NUP37: variants seen among roughly 807,000 people sequenced by gnomAD.
The protein encoded by NUP37 is nucleoporin Nup37.
NUP37 carries 33 observed loss-of-function variants against 45.4 expected under a neutral mutation model. The observed-to-expected ratio is 0.73, with a 90% CI of 0.55 to 0.97. The LOEUF is 0.97. Ranked by LOEUF, NUP37 falls within the 50% of genes least tolerant of loss-of-function variation. The pLI is 0.00. For synonymous variants in NUP37, 127 were observed against 130.7 expected (o/e 0.97, Z 0.19); for missense variants, 365 against 389.7 (o/e 0.94, Z 0.53).
Position 102,074,336 on chromosome 12 carries a change from T to G in NUP37, c.*18A>C, listed in dbSNP as rs1367713332. ...ACTAAAAATACAAAGTTTGTGAATC[T>G]AAGGTACAGAAAACACTTTATACTT... On this transcript the variant is annotated 3_prime_UTR_variant, in exon 10 of 10. Coordinates refer to ENST00000552283, the MANE Select transcript of NUP37 (RefSeq NM_024057.4). 1.4e-6 allele frequency: 2 copies of G among 1,457,314 alleles called. No homozygotes were observed. Among genetic ancestry groups the G allele is most frequent in the African/African-American group, 2.8e-5 (2 of 71,118 alleles). The allele number at this position is 1,457,314 out of a possible 1,614,324, so 90.3% of individuals were successfully genotyped here. A position where few individuals can be genotyped will look rare whatever the true frequency, so the allele number is the denominator to read the frequency against.
At position 102,075,095 on chromosome 12, in the gene NUP37, C is replaced by G; in HGVS notation, c.774-1G>C. 1 of 1,597,886 alleles carries G rather than the reference C, an allele frequency of 6.3e-7. No individual in the cohort carries two copies. Among genetic ancestry groups the G allele is most frequent in the Non-Finnish European group, 8.6e-7 (1 of 1,168,712 alleles). ...CAGATTTTCACTAATTGTGGACCACCTAAGAAATAAGGAAGCGTAAAATTA... is the reference window on the plus strand; with the variant it reads ...CAGATTTTCACTAATTGTGGACCACGTAAGAAATAAGGAAGCGTAAAATTA... On this transcript the variant is annotated splice_acceptor_variant, in intron 8 of 9. Coordinates refer to ENST00000552283, the MANE Select transcript of NUP37 (RefSeq NM_024057.4). LOFTEE classifies it high-confidence loss of function.
chr12:102,098,536 T>G (rs561197971), intron 5 of NUP37, among the ~76,000 whole-genome samples: 15 of 142,672 alleles, frequency 1.1e-4, no homozygotes, highest in Admixed American at 2.1e-4. Context: ...TATGTTTGTG[T>G]TTTTTTTTTT....
rs1879102229 is a variant in NUP37 at position 102,074,144 on chromosome 12, T to C, written c.*210A>G. 3.4e-6 allele frequency: 1 copy of C among 295,558 alleles called. No homozygotes were observed. The highest frequency in any genetic ancestry group is 2.2e-5 in the African/African-American group (1 of 46,120). The allele number at this position is 295,558 out of a possible 1,614,324, so 18.3% of individuals were successfully genotyped here. On this transcript the variant is annotated 3_prime_UTR_variant, in exon 10 of 10. Coordinates refer to ENST00000552283, the MANE Select transcript of NUP37 (RefSeq NM_024057.4). The stretch of plus-strand genomic sequence containing the variant: ...GCTGAGTCAATATGATTTTGTAAGA[T>C]TAAAAATATATATATATACACACAC...
chr12:102,085,656 G>T (rs964032213), intron 6 of NUP37, 110 bp downstream of exon 6: 9 of 527,394 alleles, frequency 1.7e-5, no homozygotes, highest in Non-Finnish European at 2.7e-5. Flanking sequence ...GTGCTGACTA[G>T]TATCTCTGAG....
At chr12:102,091,582 T>C (rs979627104) in intron 5 of NUP37, among the ~76,000 whole-genome samples, 2 of 152,066 alleles carry the variant, frequency 1.3e-5, no homozygotes, top group African/African-American at 2.4e-5. Context: ...TTAACATACA[T>C]AGTACATATT....
At chr12:102,097,718 T>C (rs992368280) in intron 5 of NUP37, among the ~76,000 whole-genome samples, 2 of 152,320 alleles carry the variant, frequency 1.3e-5, no homozygotes, top group Admixed American at 6.5e-5. Context: ...GGAAAATCTA[T>C]GTTTTAAAGA....
At chr12:102,090,604 GA>G (rs200229630) in intron 5 of NUP37, among the ~76,000 whole-genome samples, 1 of 151,332 alleles carries the variant, frequency 6.6e-6, no homozygotes, top group Non-Finnish European at 1.5e-5. Flanking sequence ...GTTTCTAAAA[GA>G]AAAAAAACTC....
In NUP37 at chr12:102,118,458, C is replaced by T. The variant is rs1880549688; in HGVS notation, c.61G>A (p.Val21Met). The T allele has an allele frequency of 6.2e-7, 1 of 1,613,914 alleles. No individual in the cohort carries two copies. The highest frequency in any genetic ancestry group is 1.3e-5 in the African/African-American group (1 of 74,902). ...TTCTCAAAGGGATTAAATTCTACCA[C>T]ATGCACATAATCTTCACAATCCACA... ...YTVDCEDYVH[V>M]VEFNPFENGD... Residue 21 changes from valine to methionine, a missense_variant, in exon 2 of 10, where the codon GTG becomes ATG. Physicochemically the swap from Val to Met is conservative, Grantham distance 21 (BLOSUM62 1). Transcript: ENST00000552283.
At chr12:102,087,541 G>A (rs927979625) in intron 5 of NUP37, among the ~76,000 whole-genome samples, 1 of 152,180 alleles carries the variant, frequency 6.6e-6, no homozygotes, top group African/African-American at 2.4e-5. Context: ...ACATTTAGCA[G>A]GGGTTTATGC....
At chr12:102,077,589 G>T in intron 6 of NUP37, 86 bp from the exon 7 acceptor site, 1 of 1,268,606 alleles carries the variant, frequency 7.9e-7, no homozygotes, top group Non-Finnish European at 1.1e-6. Context: ...CTGTTGTACG[G>T]TAAAATGTAA....
chr12:102,085,177 T>C (rs944858915), intron 6 of NUP37, among the ~76,000 whole-genome samples: 1 of 152,126 alleles, frequency 6.6e-6, no homozygotes, highest in African/African-American at 2.4e-5. Flanking sequence ...CCCAGCACTT[T>C]GTGAGGCTGA....
chr12:102,106,437 G>A (rs943417278), intron 3 of NUP37, among the ~76,000 whole-genome samples: 23 of 152,100 alleles, frequency 1.5e-4, no homozygotes, highest in Non-Finnish European at 1.5e-5. Context: ...CAGCCTAGTG[G>A]TGCCTTTATT....
At chr12:102,087,408 T>C (rs1879502720) in intron 5 of NUP37, among the ~76,000 whole-genome samples, 1 of 152,246 alleles carries the variant, frequency 6.6e-6, no homozygotes, top group Non-Finnish European at 1.5e-5. Context: ...CAGATGTTTT[T>C]CAAAATGATT....
intron 3 of NUP37, among the ~76,000 whole-genome samples, chr12:102,108,107 T>C: frequency 6.6e-6 from 1 of 152,170 alleles, no homozygotes; most frequent in Non-Finnish European, 1.5e-5. Context: ...TGTATCTGGG[T>C]GTTTCTGGGT....
At chr12:102,074,538 A>C (rs1879114854) in intron 9 of NUP37, 71 bp from the exon 10 acceptor site, 3 of 862,444 alleles carry the variant, frequency 3.5e-6, no homozygotes, top group Non-Finnish European at 3.7e-6. Context: ...TGACTTTCAA[A>C]AATATGAAAT....
intron 1 of NUP37, 49 bp from the exon 2 acceptor site, chr12:102,118,632 T>C (rs981246745): frequency 5.8e-6 from 5 of 861,204 alleles, no homozygotes; most frequent in Non-Finnish European, 3.5e-6. Flanking sequence ...ATGTTAGTCA[T>C]TCAGCAAATG....
At chr12:102,099,305 G>T in intron 4 of NUP37, 105 bp from the exon 5 acceptor site, 4 of 723,254 alleles carry the variant, frequency 5.5e-6, no homozygotes, top group South Asian at 1.7e-5. Flanking sequence ...TTCACTGCCT[G>T]TTTTTCTATA....
chr12:102,109,397 T>C (rs905754386), intron 3 of NUP37, among the ~76,000 whole-genome samples: 7 of 152,144 alleles, frequency 4.6e-5, no homozygotes, highest in Admixed American at 3.3e-4. Context: ...TTTAGAATAC[T>C]ATAAAAAAGC....
At chr12:102,112,061 A>G in intron 3 of NUP37, 47 bp downstream of exon 3, 1 of 1,572,760 alleles carries the variant, frequency 6.4e-7, no homozygotes, top group Non-Finnish European at 8.7e-7. Context: ...CATGTAACAC[A>G]ATCAAAGTAC....
Sources: allele counts gnomAD v4.1 joint callset (sites outside exome capture counted in the v4.1 genomes callset), GRCh38; gene constraint gnomAD v4.1.1; transcripts MANE v1.5; gene names NCBI Gene and HGNC (gene_info 2026-07-23, HGNC 2026-07-21).